JPH1: variants seen among roughly 807,000 people sequenced by gnomAD.
The protein encoded by JPH1 is junctophilin 1.
In JPH1, 12 loss-of-function variants were observed where a neutral mutation model predicts 53.6. The observed-to-expected ratio is 0.22, with a 90% confidence interval of 0.14 to 0.36. The LOEUF (loss-of-function observed/expected upper bound fraction) is 0.36, where lower values mean the gene tolerates loss of function less well. JPH1 is among the 10% of genes least tolerant of loss of function. The pLI is 1.00. For missense variants in JPH1, 808 were observed against 905.5 expected (o/e 0.89, Z 1.38); for synonymous variants, 375 against 363.8 (o/e 1.03, Z -0.35).
At chr8:74,249,248 T>G (rs201281078) in intron 3 of JPH1, among the ~76,000 whole-genome samples, 1 of 152,152 alleles carries the variant, frequency 6.6e-6, no homozygotes, top group East Asian at 1.9e-4. Flanking sequence ...ATGAGGGCAG[T>G]GCCAATATCA....
chr8:74,244,979 C>T lies in JPH1; in HGVS notation c.1455G>A (p.Lys485=). The T allele has an allele frequency of 8.7e-6, 14 of 1,614,062 alleles. No homozygotes were observed. The highest frequency in any genetic ancestry group is 1.0e-5 in the Non-Finnish European group (12 of 1,180,020). Residue 485 remains lysine (K), a synonymous_variant, in exon 4 of 6, where the codon AAG becomes AAA. Coordinates refer to ENST00000342232, the MANE Select transcript of JPH1 (RefSeq NM_020647.4). ...GTCTCGCCCCTGAGCTGGGGTTTTG[C>T]TTCTTCAGGGGCTTTGGGGAGGAAG... ...SPASSPKPLK[K]QNPSSGARLN...
chr8:74,287,024 CAG>C (rs1807182475), intron 2 of JPH1, among the ~76,000 whole-genome samples: 1 of 152,208 alleles, frequency 6.6e-6, no homozygotes. Context: ...CCTAGGCTAA[CAG>C]GGAGCTACTT....
intron 2 of JPH1, among the ~76,000 whole-genome samples, chr8:74,282,915 T>C (rs2131421629): frequency 6.6e-6 from 1 of 152,360 alleles, no homozygotes; most frequent in Admixed American, 6.5e-5. Context: ...AATATCACAC[T>C]GTTCTCTATA....
At chr8:74,306,966 G>A (rs1306546641) in intron 2 of JPH1, among the ~76,000 whole-genome samples, 1 of 74,810 alleles carries the variant, frequency 1.3e-5, no homozygotes, top group African/African-American at 5.9e-5. Flanking sequence ...AGTACCTGGG[G>A]CATAACTTGA....
chr8:74,243,758 T>C (rs185547851), intron 4 of JPH1, among the ~76,000 whole-genome samples: 1 of 152,248 alleles, frequency 6.6e-6, no homozygotes, highest in African/African-American at 2.4e-5. Context: ...ACTAATTCCA[T>C]ACATTATTCA....
intron 2 of JPH1, among the ~76,000 whole-genome samples, chr8:74,304,409 T>C (rs1185422223): frequency 6.6e-6 from 1 of 152,198 alleles, no homozygotes; most frequent in Non-Finnish European, 1.5e-5. Context: ...ATCATTTGGC[T>C]GAGCAGGAAG....
chr8:74,253,783 G>T lies in JPH1; in HGVS notation c.1258+5602C>A, dbSNP rs189572038. On this transcript the variant is annotated intron_variant, in intron 3 of 5. Transcript: ENST00000342232. Reference sequence around the variant, plus strand: ...TAAACACCTATACACAAATAAACTAGAAAATCTAGAAGAAATGGATAAATT... The same window carrying T: ...TAAACACCTATACACAAATAAACTATAAAATCTAGAAGAAATGGATAAATT... Among the ~76,000 whole-genome samples, 11 of 152,124 alleles carry T rather than the reference G, an allele frequency of 7.2e-5. No homozygotes were observed. In the South Asian group the frequency reaches 2.3e-3, roughly 32 times the overall value.
At chr8:74,253,914 CAA>C (rs1806142484) in intron 3 of JPH1, among the ~76,000 whole-genome samples, 2 of 151,894 alleles carry the variant, frequency 1.3e-5, no homozygotes, top group Admixed American at 6.6e-5. Flanking sequence ...GCTTACCAAC[CAA>C]AAAAAGTCCA....
rs73341684 is a variant in JPH1, at chr8:74,249,987, C to T, written c.1259-4812G>A. On this transcript the variant is annotated intron_variant, in intron 3 of 5. Coordinates refer to ENST00000342232, the MANE Select transcript of JPH1 (RefSeq NM_020647.4). ...AGGCTGGCTCTCTCCCAAGAGGGCT[C>T]CAAGTACTAAATTTACCACATTCCA... Among the ~76,000 whole-genome samples, 722 of 152,216 alleles carry T rather than the reference C, an allele frequency of 4.7e-3. 5 individuals carry two copies. The highest frequency in any genetic ancestry group is 0.016 in the African/African-American group (664 of 41,508).
intron 2 of JPH1, among the ~76,000 whole-genome samples, chr8:74,304,253 T>C (rs538180854): frequency 6.6e-6 from 1 of 152,364 alleles, no homozygotes; most frequent in Admixed American, 6.5e-5. Context: ...TTGTATGTAA[T>C]GGATTAATGT....
chr8:74,298,062 A>G (rs1445354983), intron 2 of JPH1, among the ~76,000 whole-genome samples: 1 of 152,138 alleles, frequency 6.6e-6, no homozygotes, highest in Non-Finnish European at 1.5e-5. Context: ...CTTTCCTAAT[A>G]ATTGCTGTTA....
At chr8:74,288,698 T>A (rs1445402128) in intron 2 of JPH1, among the ~76,000 whole-genome samples, 1 of 152,236 alleles carries the variant, frequency 6.6e-6, no homozygotes, top group Non-Finnish European at 1.5e-5. Flanking sequence ...GAGAGATGAA[T>A]GCATGTCATC....
In JPH1 at chr8:74,244,603, T is replaced by A. The variant is rs367609591; in HGVS notation, c.1831A>T (p.Lys611Ter). The change falls in exon 4 of 6, where the codon AAG (lysine) becomes TAG (stop). Residue 611 changes from lysine to a stop codon, truncating the protein, a stop_gained. Transcript: ENST00000342232. LOFTEE classifies it high-confidence loss of function. ...TTCTTTGGTATAGCAAGTTCAGACT[T>A]CTTAGCTTTTGGCTCAGCTTTGCTT... ...KESKAEPKAK[K>*]SELAIPKNPA... 6.2e-7 allele frequency: 1 copy of A among 1,614,074 alleles called. No individual in the cohort carries two copies. The highest frequency in any genetic ancestry group is 8.5e-7 in the Non-Finnish European group (1 of 1,180,036).
chr8:74,243,174 T>C (rs1805747237), intron 4 of JPH1, among the ~76,000 whole-genome samples: 1 of 152,216 alleles, frequency 6.6e-6, no homozygotes, highest in African/African-American at 2.4e-5. Context: ...GGGATAAACA[T>C]GCTGAAAGTC....
intron 2 of JPH1, among the ~76,000 whole-genome samples, chr8:74,261,879 A>G (rs942519932): frequency 6.6e-6 from 1 of 152,230 alleles, no homozygotes; most frequent in African/African-American, 2.4e-5. Context: ...TTCAATCACG[A>G]CACACCACCA....
At chr8:74,275,417 T>C (rs1806818938) in intron 2 of JPH1, among the ~76,000 whole-genome samples, 1 of 152,232 alleles carries the variant, frequency 6.6e-6, no homozygotes, top group Non-Finnish European at 1.5e-5. Flanking sequence ...CCCTTAGTGC[T>C]CTGAGCTTTC....
intron 2 of JPH1, among the ~76,000 whole-genome samples, chr8:74,313,615 G>A (rs1354967810): frequency 6.8e-6 from 1 of 146,780 alleles, no homozygotes; most frequent in African/African-American, 2.5e-5. Flanking sequence ...ATTTTTTTTT[G>A]TACATTAAAA....
At chr8:74,258,115 G>A (rs16938840) in intron 3 of JPH1, among the ~76,000 whole-genome samples, 6,913 of 152,156 alleles carry the variant, frequency 0.045, 547 homozygotes, top group African/African-American at 0.16. Flanking sequence ...TTCCGACAGC[G>A]TATACCCCTC....
intron 2 of JPH1, among the ~76,000 whole-genome samples, chr8:74,294,660 A>T (rs986115150): frequency 1.3e-5 from 2 of 152,188 alleles, no homozygotes; most frequent in Non-Finnish European, 2.9e-5. Context: ...TTGGTTATAA[A>T]TTTCCTGAAG....
Sources: allele counts gnomAD v4.1 joint callset (sites outside exome capture counted in the v4.1 genomes callset), GRCh38; gene constraint gnomAD v4.1.1; transcripts MANE v1.5; gene names NCBI Gene and HGNC (gene_info 2026-07-23, HGNC 2026-07-21).